Variants in ANKS1B observed in about 807,000 individuals in gnomAD.
ANKS1B encodes the protein ankyrin repeat and sterile alpha motif domain containing 1B.
Under a neutral mutation model 148.3 loss-of-function variants are expected in ANKS1B, and 36 were observed. The observed-to-expected ratio is 0.24, with a 90% CI of 0.19 to 0.32. ANKS1B has a LOEUF of 0.32. Ranked by LOEUF, ANKS1B falls within the 10% of genes least tolerant of loss-of-function variation. ANKS1B has a pLI of 1.00. For synonymous variants in ANKS1B, 542 were observed against 560.8 expected, an observed-to-expected ratio of 0.97 and a Z score of 0.47; for missense variants, 1,157 against 1,542.6, an observed-to-expected ratio of 0.75 and a Z score of 4.19.
intron 8 of ANKS1B, among the ~76,000 whole-genome samples, chr12:99,729,462 G>T (rs527336565): frequency 1.7e-4 from 26 of 152,030 alleles, no homozygotes; most frequent in South Asian, 6.2e-4. Flanking sequence ...TTCAGTAATT[G>T]TACTTTTGAA....
At chr12:99,692,833 C>T (rs1035576222) in intron 8 of ANKS1B, among the ~76,000 whole-genome samples, 3 of 152,072 alleles carry the variant, frequency 2.0e-5, no homozygotes, top group East Asian at 3.8e-4. Flanking sequence ...TGTTCTACTT[C>T]GGATAAGTTG....
intron 9 of ANKS1B, among the ~76,000 whole-genome samples, chr12:99,603,558 A>C (rs982179297): frequency 1.3e-5 from 2 of 152,110 alleles, no homozygotes; most frequent in African/African-American, 2.4e-5. Flanking sequence ...CAGTGTTTCC[A>C]ATTGTGTCAT....
chr12:99,929,555 G>C (rs1338408023), intron 1 of ANKS1B, among the ~76,000 whole-genome samples: 2 of 152,154 alleles, frequency 1.3e-5, no homozygotes, highest in Non-Finnish European at 2.9e-5. Flanking sequence ...TGGTGTTTTA[G>C]ACATGAAGTC....
At chr12:98,944,264 C>T (rs989365060) in intron 17 of ANKS1B, among the ~76,000 whole-genome samples, 2 of 147,834 alleles carry the variant, frequency 1.4e-5, no homozygotes, top group African/African-American at 2.5e-5. Context: ...CACACCATTG[C>T]ACTCCAGCCT....
intron 1 of ANKS1B, among the ~76,000 whole-genome samples, chr12:99,921,805 G>GA: frequency 6.6e-6 from 1 of 152,084 alleles, no homozygotes; most frequent in Non-Finnish European, 1.5e-5. Flanking sequence ...TTGCTTCTAT[G>GA]AAAATCTCCT....
chr12:99,281,302 AG>A (rs1331635361), intron 12 of ANKS1B, among the ~76,000 whole-genome samples: 4 of 152,238 alleles, frequency 2.6e-5, no homozygotes, highest in African/African-American at 9.6e-5. Context: ...ATGAAATTGA[AG>A]GGTAATTCAC....
intron 16 of ANKS1B, among the ~76,000 whole-genome samples, chr12:99,058,552 A>G (rs893616625): frequency 1.3e-5 from 2 of 151,716 alleles, no homozygotes; most frequent in Non-Finnish European, 2.9e-5. Flanking sequence ...CCTGCCCTAT[A>G]TGCTGCCTCT....
intron 17 of ANKS1B, among the ~76,000 whole-genome samples, chr12:98,974,393 G>A (rs976392488): frequency 6.6e-6 from 1 of 152,148 alleles, no homozygotes; most frequent in Non-Finnish European, 1.5e-5. Flanking sequence ...ATTTGATAGA[G>A]CCAATTAAAT....
intron 12 of ANKS1B, among the ~76,000 whole-genome samples, chr12:99,361,945 T>C (rs1023780683): frequency 6.6e-6 from 1 of 152,048 alleles, no homozygotes; most frequent in African/African-American, 2.4e-5. Context: ...AAAGCATCTA[T>C]GGAAATTCCA....
At chr12:99,815,559 T>C (rs2068999208) in intron 2 of ANKS1B, among the ~76,000 whole-genome samples, 1 of 151,702 alleles carries the variant, frequency 6.6e-6, no homozygotes, top group African/African-American at 2.4e-5. Flanking sequence ...AACACTTTAG[T>C]GGTAAATTCT....
At chr12:99,176,141 A>T (rs556733588) in intron 14 of ANKS1B, among the ~76,000 whole-genome samples, 3 of 152,176 alleles carry the variant, frequency 2.0e-5, no homozygotes, top group African/African-American at 7.2e-5. Context: ...GAGCCACCAC[A>T]CTTGGCCTGT....
At chr12:99,455,614 T>G (rs533003548) in intron 10 of ANKS1B, among the ~76,000 whole-genome samples, 25 of 152,252 alleles carry the variant, frequency 1.6e-4, no homozygotes, top group African/African-American at 5.5e-4. Context: ...CTGTGGGCTG[T>G]GTGGGAGTTG....
intron 12 of ANKS1B, among the ~76,000 whole-genome samples, chr12:99,249,167 T>C (rs1178457503): frequency 6.6e-6 from 1 of 152,172 alleles, no homozygotes; most frequent in African/African-American, 2.4e-5. Context: ...AATTTCATTT[T>C]GAAAGTTGCT....
At chr12:99,122,734 T>C (rs369416317) in intron 15 of ANKS1B, among the ~76,000 whole-genome samples, 1 of 152,138 alleles carries the variant, frequency 6.6e-6, no homozygotes, top group East Asian at 1.9e-4. Context: ...CTCAGCAGCC[T>C]TGGCACTCTG....
At chr12:99,238,342 G>T (rs2088462679) in intron 14 of ANKS1B, among the ~76,000 whole-genome samples, 1 of 152,194 alleles carries the variant, frequency 6.6e-6, no homozygotes, top group South Asian at 2.1e-4. Context: ...AGCTTGACGG[G>T]GGGAGGGGCA....
At chr12:99,803,555 T>C (rs1031684659) in intron 4 of ANKS1B, among the ~76,000 whole-genome samples, 8 of 152,156 alleles carry the variant, frequency 5.3e-5, no homozygotes, top group Admixed American at 5.2e-4. Flanking sequence ...TCTAAGCATA[T>C]TGTCTGCCTT....
At position 99,779,929 on chromosome 12, in the gene ANKS1B, C is replaced by G; in HGVS notation, c.789G>C (p.Leu263Phe). 1 of 1,610,278 alleles carries G rather than the reference C, an allele frequency of 6.2e-7. No homozygotes were observed. Among genetic ancestry groups the G allele is most frequent in the South Asian group, 1.1e-5 (1 of 89,938 alleles). Reference sequence around the variant, plus strand: ...GAGATGGATGTTCTTTCAGAATGTCCAAGACAGTTCTACCTAAGCTATCCT... The same window carrying G: ...GAGATGGATGTTCTTTCAGAATGTCGAAGACAGTTCTACCTAAGCTATCCT... ...NIKDSLGRTV[L>F]DILKEHPSQK... Residue 263 changes from leucine to phenylalanine, a missense_variant, in exon 6 of 27, where the codon TTG becomes TTC. Physicochemically the swap from Leu to Phe is conservative, Grantham distance 22 (BLOSUM62 0). Around this residue, in one of 6 missense-constraint regions of ANKS1B, gnomAD observed 661 missense variants for 642.1 expected, o/e 1.03. Coordinates refer to ENST00000683438, the MANE Select transcript of ANKS1B (RefSeq NM_001352186.2).
At chr12:99,230,323 A>C (rs2086634275) in intron 14 of ANKS1B, among the ~76,000 whole-genome samples, 1 of 152,104 alleles carries the variant, frequency 6.6e-6, no homozygotes, top group African/African-American at 2.4e-5. Context: ...GCTTATCATC[A>C]TGGGAAGTAT....
At chr12:99,923,234 AGCCTCTGG>A (rs2094406053) in intron 1 of ANKS1B, among the ~76,000 whole-genome samples, 1 of 152,220 alleles carries the variant, frequency 6.6e-6, no homozygotes, top group South Asian at 2.1e-4. Flanking sequence ...TGTAATCCAT[AGCCTCTGG>A]GAAGGTAATA....
Sources: gnomAD v4.1 joint callset for allele counts (sites outside exome capture counted in the v4.1 genomes callset) on GRCh38, gnomAD v4.1.1 for gene constraint, gnomAD v4.1.1 regional missense constraint, MANE v1.5 for transcripts, NCBI Gene and HGNC (gene_info 2026-07-23, HGNC 2026-07-21) for gene names.